GRID2: variants seen among roughly 807,000 people sequenced by gnomAD.
GRID2 encodes the protein glutamate receptor ionotropic, delta-2.
A neutral mutation model predicts 114.8 loss-of-function variants in GRID2; 33 were observed. That is an observed-to-expected ratio of 0.29 (90% CI 0.22 to 0.38). The LOEUF (loss-of-function observed/expected upper bound fraction) is 0.38. Among genes scored for constraint, GRID2 ranks in the 10% least tolerant of loss-of-function variants. The pLI is 1.00. For synonymous variants in GRID2, 505 were observed against 449.9 expected (o/e 1.12, Z -1.55); for missense variants, 1,184 against 1,257.7 (o/e 0.94, Z 0.89).
At chr4:93,011,982 ATGAGACC>A (rs1205062979) in intron 2 of GRID2, among the ~76,000 whole-genome samples, 3 of 151,524 alleles carry the variant, frequency 2.0e-5, no homozygotes, top group Non-Finnish European at 4.4e-5. Context: ...CCATCCCTAA[ATGAGACC>A]TGAGCCATAG....
downstream of GRID2, among the ~76,000 whole-genome samples, chr4:93,810,393 T>C (rs113651526): frequency 2.9e-3 from 439 of 152,304 alleles, 3 homozygotes; most frequent in African/African-American, 9.5e-3. Context: ...TAAATAATTT[T>C]CCTGATTGAA....
intron 4 of GRID2, among the ~76,000 whole-genome samples, chr4:93,124,143 A>G (rs914315801): frequency 1.3e-5 from 2 of 152,068 alleles, no homozygotes; most frequent in Non-Finnish European, 2.9e-5. Flanking sequence ...AAATTTGAAA[A>G]TGGGAATTTG....
chr4:93,271,070 C>G (rs1561069457), intron 8 of GRID2, among the ~76,000 whole-genome samples: 1 of 152,126 alleles, frequency 6.6e-6, no homozygotes, highest in African/African-American at 2.4e-5. Context: ...ATGATTTGAA[C>G]TCGCAGTGTT....
chr4:92,412,380 TA>T (rs571041868), intron 1 of GRID2, among the ~76,000 whole-genome samples: 96 of 152,260 alleles, frequency 6.3e-4, no homozygotes, highest in Middle Eastern at 3.4e-3. Context: ...AATCTTTGAA[TA>T]TTTTTTTTTT....
At chr4:93,146,031 C>A (rs1736196498) in intron 4 of GRID2, among the ~76,000 whole-genome samples, 2 of 152,012 alleles carry the variant, frequency 1.3e-5, no homozygotes, top group African/African-American at 4.8e-5. Context: ...CAAGCAAATT[C>A]CCAGTTCAAA....
At chr4:93,053,508 A>G (rs1726921511) in intron 2 of GRID2, among the ~76,000 whole-genome samples, 1 of 151,968 alleles carries the variant, frequency 6.6e-6, no homozygotes. Flanking sequence ...CTTCGAAGGC[A>G]CAGACTTATC....
At chr4:93,645,526 C>CA (rs2149713941) in intron 14 of GRID2, among the ~76,000 whole-genome samples, 1 of 152,176 alleles carries the variant, frequency 6.6e-6, no homozygotes, top group Admixed American at 6.5e-5. Flanking sequence ...AAGGTTGAGG[C>CA]AAAAATGTGT....
At chr4:93,352,448 A>G (rs746768865) in intron 8 of GRID2, among the ~76,000 whole-genome samples, 6 of 152,054 alleles carry the variant, frequency 3.9e-5, no homozygotes, top group Non-Finnish European at 7.4e-5. Flanking sequence ...GAAAAATCAC[A>G]TAGTATTAAC....
At chr4:93,736,362 G>T (rs1261025810) in intron 14 of GRID2, among the ~76,000 whole-genome samples, 1 of 152,006 alleles carries the variant, frequency 6.6e-6, no homozygotes, top group Admixed American at 6.6e-5. Context: ...CCCAGGAGAT[G>T]CATTCTATTA....
chr4:93,095,014 A>G (rs2149333401), intron 3 of GRID2, among the ~76,000 whole-genome samples: 1 of 152,198 alleles, frequency 6.6e-6, no homozygotes, highest in African/African-American at 2.4e-5. Flanking sequence ...AAAGTGTAAG[A>G]AAATAAAAAT....
At chr4:92,945,450 A>G (rs1369667025) in intron 2 of GRID2, among the ~76,000 whole-genome samples, 1 of 152,196 alleles carries the variant, frequency 6.6e-6, no homozygotes, top group East Asian at 1.9e-4. Flanking sequence ...AAAGTCTAGA[A>G]AAATGTGGCT....
intron 14 of GRID2, among the ~76,000 whole-genome samples, chr4:93,739,885 G>A (rs1731226652): frequency 1.3e-5 from 2 of 152,050 alleles, no homozygotes; most frequent in Non-Finnish European, 2.9e-5. Context: ...CATATCTACT[G>A]TTTTATTTAA....
intron 2 of GRID2, among the ~76,000 whole-genome samples, chr4:92,923,407 T>G (rs1302826737): frequency 6.6e-6 from 1 of 152,172 alleles, no homozygotes; most frequent in Non-Finnish European, 1.5e-5. Flanking sequence ...GCTTTATTGT[T>G]GTAATCTTTT....
chr4:92,748,738 T>TGTAA (rs1737284316), intron 2 of GRID2, among the ~76,000 whole-genome samples: 1 of 150,756 alleles, frequency 6.6e-6, no homozygotes, highest in African/African-American at 2.4e-5. Flanking sequence ...CTCACCTCAC[T>TGTAA]GTAACCTCCA....
At chr4:92,394,970 A>T (rs1196657936) in intron 1 of GRID2, among the ~76,000 whole-genome samples, 1 of 151,646 alleles carries the variant, frequency 6.6e-6, no homozygotes, top group Non-Finnish European at 1.5e-5. Flanking sequence ...CACAGTGATA[A>T]TAAAAAGGAA....
At chr4:93,764,842 C>T (rs1733507877) in intron 14 of GRID2, among the ~76,000 whole-genome samples, 1 of 152,152 alleles carries the variant, frequency 6.6e-6, no homozygotes, top group Admixed American at 6.5e-5. Flanking sequence ...GGAAATTGCA[C>T]GCCAAACAGA....
intron 1 of GRID2, among the ~76,000 whole-genome samples, chr4:92,517,821 A>G (rs1724574103): frequency 6.6e-6 from 1 of 151,894 alleles, no homozygotes; most frequent in African/African-American, 2.4e-5. Context: ...GTGGAGACCC[A>G]CATTTTGTGT....
intron 4 of GRID2, among the ~76,000 whole-genome samples, chr4:93,186,298 G>T (rs1452062039): frequency 6.6e-6 from 1 of 152,042 alleles, no homozygotes; most frequent in African/African-American, 2.4e-5. Flanking sequence ...TCTAGTTCTA[G>T]ATCCTTGAGG....
At chr4:92,529,792 G>A (rs1725239306) in intron 1 of GRID2, among the ~76,000 whole-genome samples, 1 of 152,114 alleles carries the variant, frequency 6.6e-6, no homozygotes, top group African/African-American at 2.4e-5. Flanking sequence ...TGAATTGCAA[G>A]TAAAAGCTAG....
Sources: allele counts gnomAD v4.1 joint callset (sites outside exome capture counted in the v4.1 genomes callset), GRCh38; gene constraint gnomAD v4.1.1; transcripts MANE v1.5; gene names NCBI Gene and HGNC (gene_info 2026-07-23, HGNC 2026-07-21).